Variants in EXOC1 observed in about 807,000 individuals in gnomAD.
EXOC1 encodes exocyst complex component 1, also known as SEC3-like 1.
Under a neutral mutation model 107.7 loss-of-function variants are expected in EXOC1, and 67 were observed. That is an observed-to-expected ratio of 0.62 (90% CI 0.51 to 0.76). The LOEUF (loss-of-function observed/expected upper bound fraction) is 0.76. Ranked by LOEUF, EXOC1 falls within the 30% of genes least tolerant of loss-of-function variation. EXOC1 has a pLI of 0.00. For missense variants in EXOC1, 833 were observed against 1,055.7 expected (o/e 0.79, Z 2.92); for synonymous variants, 348 against 353.5 (o/e 0.98, Z 0.17).
At chr4:55,876,491 G>C in intron 8 of EXOC1, 1 of 741,306 alleles carries the variant, frequency 1.3e-6, no homozygotes, top group Non-Finnish European at 1.6e-6. Context: ...TGTCAGTTCA[G>C]GTCACATTTT....
chr4:55,876,652 T>C, intron 8 of EXOC1: 1 of 985,380 alleles, frequency 1.0e-6, no homozygotes. Flanking sequence ...GTGTTCTAGT[T>C]CTTGTTATTT....
chr4:55,881,625 A>G (rs1723387838), intron 9 of EXOC1, among the ~76,000 whole-genome samples: 1 of 152,172 alleles, frequency 6.6e-6, no homozygotes, highest in Non-Finnish European at 1.5e-5. Context: ...AACTTGAAGC[A>G]AAGGTGGGAC....
intron 2 of EXOC1, among the ~76,000 whole-genome samples, chr4:55,859,012 A>C (rs544081950): frequency 2.0e-5 from 3 of 152,188 alleles, no homozygotes; most frequent in Non-Finnish European, 4.4e-5. Context: ...CAAAAGTTTT[A>C]TAATTTTGCC....
At chr4:55,904,308 A>T (rs1314185406) in intron 18 of EXOC1, 35 bp from the exon 19 acceptor site, 3 of 1,558,932 alleles carry the variant, frequency 1.9e-6, no homozygotes, top group Non-Finnish European at 2.6e-6. Context: ...TATTATTTCC[A>T]TTCATAGCCT....
chr4:55,885,876 C>T (rs1560350915), intron 10 of EXOC1, among the ~76,000 whole-genome samples: 1 of 152,096 alleles, frequency 6.6e-6, no homozygotes, highest in Non-Finnish European at 1.5e-5. Context: ...ATATAGTGTA[C>T]ATTTTTTTCA....
chr4:55,877,301 A>G, intron 8 of EXOC1: 1 of 985,382 alleles, frequency 1.0e-6, no homozygotes, highest in Non-Finnish European at 1.2e-6. Context: ...CTGGCTATCT[A>G]GGCAAATTAG....
chr4:55,881,207 C>G (rs903262420), intron 9 of EXOC1, among the ~76,000 whole-genome samples: 1 of 152,072 alleles, frequency 6.6e-6, no homozygotes. Context: ...TCCCTCCTCC[C>G]GGGACTGCTA....
At chr4:55,872,393 A>G (rs1284076789) in intron 8 of EXOC1, among the ~76,000 whole-genome samples, 1 of 96,092 alleles carries the variant, frequency 1.0e-5, no homozygotes, top group Non-Finnish European at 2.2e-5. Context: ...TAAGAAAATG[A>G]CTAGCTCAAC....
chr4:55,892,722 G>A lies in EXOC1; in HGVS notation c.1724+11G>A, dbSNP rs1324960903. 23 of 1,613,032 alleles carry A rather than the reference G, an allele frequency of 1.4e-5. No individual in the cohort carries two copies. The highest frequency in any genetic ancestry group is 1.9e-5 in the Non-Finnish European group (22 of 1,179,154). On this transcript the variant is annotated intron_variant, in intron 14 of 18. Coordinates refer to ENST00000381295, the MANE Select transcript of EXOC1 (RefSeq NM_001024924.2). ...GCCTGTTTCATCTGAGTATGTCTTT[G>A]TTACTATCATTGTTTATTTTGGAAA... is the stretch of plus-strand genomic sequence containing the variant.
chr4:55,869,791 C>T (rs1473076724), intron 5 of EXOC1, among the ~76,000 whole-genome samples: 2 of 152,152 alleles, frequency 1.3e-5, no homozygotes, highest in East Asian at 3.8e-4. Flanking sequence ...CGTGTGAAAC[C>T]ACAGCGTCAG....
intron 14 of EXOC1, 103 bp downstream of exon 14, chr4:55,892,814 C>G (rs1377536388): frequency 3.0e-6 from 3 of 1,015,996 alleles, no homozygotes; most frequent in African/African-American, 1.6e-5. Flanking sequence ...AGCCTGACAG[C>G]ACTCACAGTA....
intron 8 of EXOC1, chr4:55,876,469 T>C: frequency 1.5e-6 from 1 of 656,448 alleles, no homozygotes; most frequent in Non-Finnish European, 1.9e-6. Flanking sequence ...CTAAGCACTA[T>C]AAATAGGCCC....
Position 55,877,907 on chromosome 4 carries a change from C to T in EXOC1, c.1075-10C>T, listed in dbSNP as rs1450351880. On this transcript the variant is annotated splice_polypyrimidine_tract_variant and intron_variant, in intron 8 of 18. Coordinates refer to ENST00000381295, the MANE Select transcript of EXOC1 (RefSeq NM_001024924.2). ...TGATTACATTTATTTACTTATTTTA[C>T]TCACTTTAGGGTCATGATCAGAGTT... The T allele has an allele frequency of 3.1e-6, 5 of 1,611,730 alleles. No individual in the cohort carries two copies. The highest frequency in any genetic ancestry group is 4.2e-6 in the Non-Finnish European group (5 of 1,179,208).
At chr4:55,890,175 T>C in intron 11 of EXOC1, 48 bp from the exon 12 acceptor site, 2 of 1,573,416 alleles carry the variant, frequency 1.3e-6, no homozygotes, top group Non-Finnish European at 1.7e-6. Flanking sequence ...ATACTTTGGA[T>C]CATTTATTTG....
At chr4:55,882,377 C>T (rs562617381) in intron 9 of EXOC1, among the ~76,000 whole-genome samples, 3 of 152,234 alleles carry the variant, frequency 2.0e-5, no homozygotes, top group African/African-American at 7.2e-5. Context: ...TTTGGAGAGA[C>T]ACTGATACAG....
chr4:55,896,032 C>T (rs1052727320), intron 15 of EXOC1, among the ~76,000 whole-genome samples: 2 of 152,316 alleles, frequency 1.3e-5, no homozygotes, highest in South Asian at 4.1e-4. Flanking sequence ...AATCTTCTCT[C>T]CTGTAACCTA....
intron 1 of EXOC1, among the ~76,000 whole-genome samples, chr4:55,856,115 C>G (rs1274371683): frequency 6.6e-6 from 1 of 152,120 alleles, no homozygotes; most frequent in Non-Finnish European, 1.5e-5. Flanking sequence ...GATTAATTGC[C>G]GAGCAGCATT....
intron 15 of EXOC1, among the ~76,000 whole-genome samples, chr4:55,894,780 G>A (rs1408312446): frequency 6.6e-6 from 1 of 151,710 alleles, no homozygotes; most frequent in Admixed American, 6.6e-5. Flanking sequence ...GCGCCACCAC[G>A]CCCTGCTAGT....
At chr4:55,903,337 T>C (rs987768277) in intron 18 of EXOC1, among the ~76,000 whole-genome samples, 1 of 151,922 alleles carries the variant, frequency 6.6e-6, no homozygotes, top group African/African-American at 2.4e-5. Flanking sequence ...GTGAGAGTAA[T>C]TCTGATTTCA....
Sources: gnomAD v4.1 joint callset for allele counts (sites outside exome capture counted in the v4.1 genomes callset) on GRCh38, gnomAD v4.1.1 for gene constraint, MANE v1.5 for transcripts, NCBI Gene and HGNC (gene_info 2026-07-23, HGNC 2026-07-21) for gene names.